Variants in KIRREL3 observed in about 807,000 individuals in gnomAD.
KIRREL3 encodes the protein kin of IRRE-like protein 3.
A neutral mutation model predicts 89.7 loss-of-function variants in KIRREL3; 36 were observed. That is an observed-to-expected ratio of 0.40 (90% confidence interval 0.31 to 0.53). The LOEUF is 0.53. Among genes scored for constraint, KIRREL3 ranks in the 20% least tolerant of loss-of-function variants. The probability of loss-of-function intolerance (pLI) is 0.49; values close to 1 mark genes in which losing one functional copy is unlikely to be tolerated. For synonymous variants in KIRREL3, 445 were observed against 441.4 expected (o/e 1.01, Z -0.10); for missense variants, 864 against 1,056.6 (o/e 0.82, Z 2.53).
intron 5 of KIRREL3, among the ~76,000 whole-genome samples, chr11:126,472,919 A>G (rs1211372539): frequency 7.9e-6 from 1 of 126,832 alleles, no homozygotes; most frequent in Non-Finnish European, 1.7e-5. Flanking sequence ...CTCCCCATCC[A>G]GCCCCCATTA....
At chr11:126,660,400 C>T (rs1945342425) in intron 1 of KIRREL3, among the ~76,000 whole-genome samples, 1 of 152,220 alleles carries the variant, frequency 6.6e-6, no homozygotes, top group South Asian at 2.1e-4. Context: ...CACATGTTCA[C>T]ACTGACGTGC....
chr11:126,467,283 C>G (rs1956757150), intron 5 of KIRREL3, among the ~76,000 whole-genome samples: 1 of 152,346 alleles, frequency 6.6e-6, no homozygotes, highest in East Asian at 1.9e-4. Context: ...GGATTTGGCA[C>G]TCACTTCTCT....
rs951952240 is a variant in KIRREL3, at chr11:126,788,388, C to T, written c.55+212067G>A. ...TTGACATTTCTGCAGGGTCTGTGGC[C>T]CTTGGTTTTGAGACTGAGACAGGGC... is the stretch of plus-strand genomic sequence containing the variant. On this transcript the variant is annotated intron_variant, in intron 1 of 16. Transcript: ENST00000525144. This position sits in a 1 kb window ranked among gnomAD's most constrained non-coding sequence, Gnocchi z 4.1. Among the ~76,000 whole-genome samples the T allele has an allele frequency of 6.6e-6, 1 of 152,126 alleles. No individual in the cohort carries two copies. The highest frequency in any genetic ancestry group is 2.4e-5 in the African/African-American group (1 of 41,408).
At chr11:126,937,058 C>G (rs1443276634) in intron 1 of KIRREL3, 1 of 152,102 alleles carries the variant, frequency 6.6e-6, no homozygotes, top group Non-Finnish European at 1.5e-5. Context: ...TCAGGAATAC[C>G]TCCTGCTGTT....
chr11:126,717,244 C>T (rs1173291577), intron 1 of KIRREL3, among the ~76,000 whole-genome samples: 1 of 152,158 alleles, frequency 6.6e-6, no homozygotes, highest in Non-Finnish European at 1.5e-5. Context: ...AGGAGAGAAG[C>T]TAATTATTCT....
chr11:126,683,967 G>C lies in KIRREL3; in HGVS notation c.56-121055C>G, dbSNP rs908256730. 3.3e-5 allele frequency among the ~76,000 whole-genome samples: 5 copies of C among 152,240 alleles called. No homozygotes were observed. The highest frequency in any genetic ancestry group is 7.3e-5 in the Non-Finnish European group (5 of 68,048). ...TGTGGCCTCAGAGGTCCCTTACAGG[G>C]TGGTGGGACCCAGGGCCCAGGGTTT... is the stretch of plus-strand genomic sequence containing the variant. On this transcript the variant is annotated intron_variant, in intron 1 of 16. Coordinates refer to ENST00000525144, the MANE Select transcript of KIRREL3 (RefSeq NM_032531.4). The surrounding 1 kb of genome is among the most constrained non-coding windows in gnomAD (Gnocchi z 5.2).
chr11:126,615,993 A>T lies in KIRREL3; in HGVS notation c.56-53081T>A, dbSNP rs962270695. 1.3e-5 allele frequency among the ~76,000 whole-genome samples: 2 copies of T among 152,054 alleles called. No individual in the cohort carries two copies. The highest frequency in any genetic ancestry group is 2.9e-5 in the Non-Finnish European group (2 of 68,008). ...GGGTGCGTGGGTGGGGAGATGCATG[A>T]CTGCTTTGGTTATGAAACATTGTGT... On this transcript the variant is annotated intron_variant, in intron 1 of 16. Transcript: ENST00000525144. The surrounding 1 kb of genome is among the most constrained non-coding windows in gnomAD (Gnocchi z 5.4).
In KIRREL3 at chr11:126,998,096, C is replaced by T. The variant is rs529198736; in HGVS notation, c.55+2359G>A. The stretch of plus-strand genomic sequence containing the variant: ...TCCCAGGACCTGTTAGACATGGATG[C>T]GTTCTATCCAATAAGTTGATGAATG... On this transcript the variant is annotated intron_variant, in intron 1 of 16. Coordinates refer to ENST00000525144, the MANE Select transcript of KIRREL3 (RefSeq NM_032531.4). 4.4e-4 allele frequency among the ~76,000 whole-genome samples: 67 copies of T among 152,198 alleles called. 1 individual carries two copies. Among genetic ancestry groups the T allele is most frequent in the South Asian group, 2.3e-3 (11 of 4,808 alleles).
rs796603350 is a variant in KIRREL3 at position 126,898,444 on chromosome 11, GGAAATTAGAA to G, written c.55+102001_55+102010del. Among the ~76,000 whole-genome samples the G allele has an allele frequency of 1.1e-4, 17 of 152,232 alleles. 1 individual carries two copies. Among genetic ancestry groups the G allele is most frequent in the African/African-American group, 4.1e-4 (17 of 41,546 alleles). On this transcript the variant is annotated intron_variant, in intron 1 of 16. Coordinates refer to ENST00000525144, the MANE Select transcript of KIRREL3 (RefSeq NM_032531.4). This position sits in a 1 kb window ranked among gnomAD's most constrained non-coding sequence, Gnocchi z 4.9. ...ATGAATGCTGGATTCTCACACAGTG[GGAAATTAGAA>G]GAAACCTGGAGATGCAACAAAACAG...
At chr11:126,450,773 G>A (rs549834627) in intron 7 of KIRREL3, among the ~76,000 whole-genome samples, 1 of 151,782 alleles carries the variant, frequency 6.6e-6, no homozygotes, top group African/African-American at 2.4e-5. Flanking sequence ...GTGCATGTGT[G>A]AGGGTGTGCA....
intron 12 of KIRREL3, among the ~76,000 whole-genome samples, chr11:126,436,342 T>A (rs1023754730): frequency 2.6e-5 from 4 of 152,236 alleles, no homozygotes; most frequent in African/African-American, 9.6e-5. Context: ...TCTGAGTAAC[T>A]GGATGGGCTT....
At position 126,523,396 on chromosome 11, in the gene KIRREL3, C is replaced by A. The variant is rs917842154; in HGVS notation, c.284-1932G>T. Among the ~76,000 whole-genome samples, 1 of 152,118 alleles carries A rather than the reference C, an allele frequency of 6.6e-6. No individual in the cohort carries two copies. Among genetic ancestry groups the A allele is most frequent in the Non-Finnish European group, 1.5e-5 (1 of 68,022 alleles). On this transcript the variant is annotated intron_variant, in intron 3 of 16. Transcript: ENST00000525144. The surrounding 1 kb of genome is among the most constrained non-coding windows in gnomAD (Gnocchi z 4.9). ...CCACCAGCACTTGTTCCTGGTCAGG[C>A]GAGGTAGCTGTGATGATCCTCTGCC...
intron 13 of KIRREL3, 53 bp downstream of exon 13, chr11:126,435,215 C>T (rs951021728): frequency 5.6e-6 from 9 of 1,597,880 alleles, no homozygotes; most frequent in Non-Finnish European, 7.7e-6. Context: ...CCCAGCTAGC[C>T]AGGAAGTCCC....
rs565726315 is a variant in KIRREL3 at position 126,984,219 on chromosome 11, A to T, written c.55+16236T>A. ...CCCTTCATAGAGTTTCAAAGCCCTC[A>T]CAAAAAGGTATTCTCTCTGGAGATT... On this transcript the variant is annotated intron_variant, in intron 1 of 16. Transcript: ENST00000525144. 4.6e-4 allele frequency among the ~76,000 whole-genome samples: 70 copies of T among 152,298 alleles called. 4 individuals are homozygous for T. The South Asian group carries it at 0.015, about 32-fold the overall frequency.
chr11:126,546,245 C>A lies in KIRREL3; in HGVS notation c.133+16590G>T, dbSNP rs79082518. ...AACAGCTGAGCTTGGATTTAGACCT[C>A]ACAATTGTTCAGGGTTGATCTTCTC... is the stretch of plus-strand genomic sequence containing the variant. On this transcript the variant is annotated intron_variant, in intron 2 of 16. Transcript: ENST00000525144. Among the ~76,000 whole-genome samples, 85 of 152,340 alleles carry A rather than the reference C, an allele frequency of 5.6e-4. 1 individual carries two copies. The East Asian group carries it at 0.015, about 27-fold the overall frequency.
At chr11:126,630,449 G>T (rs145823678) in intron 1 of KIRREL3, among the ~76,000 whole-genome samples, 35 of 148,766 alleles carry the variant, frequency 2.4e-4, no homozygotes, top group Admixed American at 4.7e-4. Flanking sequence ...TCCTCCTTTT[G>T]TTCCTTGCCC....
chr11:126,504,282 C>G (rs1055296462), intron 4 of KIRREL3, among the ~76,000 whole-genome samples: 1 of 152,134 alleles, frequency 6.6e-6, no homozygotes, highest in African/African-American at 2.4e-5. Context: ...AACAGAGGCT[C>G]TTGTCTTCCC....
At chr11:126,711,519 G>A (rs1291595085) in intron 1 of KIRREL3, among the ~76,000 whole-genome samples, 4 of 152,204 alleles carry the variant, frequency 2.6e-5, no homozygotes, top group South Asian at 2.1e-4. Flanking sequence ...CTGAGATCGC[G>A]CCACTGCACT....
chr11:126,730,409 C>T (rs1948569541), intron 1 of KIRREL3, among the ~76,000 whole-genome samples: 1 of 152,232 alleles, frequency 6.6e-6, no homozygotes. Context: ...TCAATCATGC[C>T]TTCCTCTCAA....
Sources: gnomAD v4.1 joint callset for allele counts (sites outside exome capture counted in the v4.1 genomes callset) on GRCh38, gnomAD v4.1.1 for gene constraint, Gnocchi (gnomAD v3.1) non-coding constraint, MANE v1.5 for transcripts, NCBI Gene and HGNC (gene_info 2026-07-23, HGNC 2026-07-21) for gene names.